Variants in XKRX observed in about 807,000 individuals in gnomAD.
XKRX encodes the protein XK related X-linked.
XKRX carries 11 observed loss-of-function variants against 22.4 expected under a neutral mutation model. That is an observed-to-expected ratio of 0.49 (90% CI 0.31 to 0.81). The LOEUF is 0.81. Ranked by LOEUF, XKRX falls within the 40% of genes least tolerant of loss-of-function variation. The probability of loss-of-function intolerance (pLI) is 0.05; values close to 1 mark genes in which losing one functional copy is unlikely to be tolerated. For synonymous variants in XKRX, 114 were observed against 132.2 expected, an observed-to-expected ratio of 0.86 and a Z score of 0.94; for missense variants, 320 against 336.5, an observed-to-expected ratio of 0.95 and a Z score of 0.38.
chrX:100,936,540 CAAAAAAAAAAAAAAAAAAA>C, the XKRX span, among the ~76,000 whole-genome samples: 19 of 25,405 alleles, frequency 7.5e-4, no homozygotes, highest in South Asian at 0.05. Context: ...GACTCTGTCT[CAAAAAAAAAAAAAAAAAAA>C]AAAAAAAAAA....
the XKRX span, among the ~76,000 whole-genome samples, chrX:100,946,306 A>G: frequency 8.9e-6 from 1 of 112,081 alleles, no homozygotes; most frequent in Non-Finnish European, 1.9e-5. Context: ...TAAAGACTGC[A>G]GTTCAGAATG....
At chrX:100,955,866 C>T in the XKRX span, among the ~76,000 whole-genome samples, 1 of 111,340 alleles carries the variant, frequency 9.0e-6, no homozygotes, top group African/African-American at 3.3e-5. Flanking sequence ...ACCATGTATA[C>T]GCACAACAGC....
chrX:100,905,610 C>A, the XKRX span, among the ~76,000 whole-genome samples: 3 of 111,838 alleles, frequency 2.7e-5, no homozygotes, highest in Non-Finnish European at 5.6e-5. Flanking sequence ...TTTTCCTCTA[C>A]CCCCCCATAT....
At chrX:100,918,954 C>T (rs1471449548) in intron 2 of XKRX, among the ~76,000 whole-genome samples, 1 of 111,319 alleles carries the variant, frequency 9.0e-6, no homozygotes, top group East Asian at 2.8e-4. Flanking sequence ...ACTGATAGAA[C>T]ATCTGAAAGT....
the XKRX span, among the ~76,000 whole-genome samples, chrX:100,939,634 C>G: frequency 8.9e-6 from 1 of 112,067 alleles, no homozygotes; most frequent in Admixed American, 9.5e-5. Context: ...TTTCTCACCC[C>G]TTCAGAAACC....
At chrX:100,901,714 T>C in the XKRX span, among the ~76,000 whole-genome samples, 3 of 112,089 alleles carry the variant, frequency 2.7e-5, no homozygotes, top group South Asian at 1.1e-3. Context: ...ATATCACATT[T>C]TGAGGCTGGG....
the XKRX span, among the ~76,000 whole-genome samples, chrX:100,956,324 C>G: frequency 9.0e-6 from 1 of 111,474 alleles, no homozygotes; most frequent in Non-Finnish European, 1.9e-5. Context: ...ATATAACAAA[C>G]CTGCACATCC....
chrX:100,920,543 C>A (rs1486560282), intron 2 of XKRX, among the ~76,000 whole-genome samples: 1 of 110,600 alleles, frequency 9.0e-6, no homozygotes, highest in African/African-American at 3.3e-5. Flanking sequence ...TTTACTATAA[C>A]CATGTCTGAC....
At chrX:100,889,398 A>T in the XKRX span, among the ~76,000 whole-genome samples, 2 of 109,771 alleles carry the variant, frequency 1.8e-5, no homozygotes, top group African/African-American at 3.3e-5. Flanking sequence ...TTATTTATTT[A>T]TTTATTTTTT....
chrX:100,899,548 C>G, the XKRX span, among the ~76,000 whole-genome samples: 1 of 112,130 alleles, frequency 8.9e-6, no homozygotes, highest in South Asian at 3.7e-4. Context: ...AAAGCCCATT[C>G]AAATGGAAAA....
the XKRX span, among the ~76,000 whole-genome samples, chrX:100,897,071 CTTAATG>C: frequency 9.0e-6 from 1 of 110,807 alleles, no homozygotes; most frequent in Admixed American, 9.7e-5. Context: ...TTTCCATAGT[CTTAATG>C]TTAATAGTAA....
At chrX:100,917,212 G>A (rs373605437) in intron 2 of XKRX, among the ~76,000 whole-genome samples, 11 of 111,466 alleles carry the variant, frequency 9.9e-5, no homozygotes, top group South Asian at 7.7e-4. Flanking sequence ...TTGAACCCAC[G>A]AGGCAGAGGT....
chrX:100,910,674 C>A, downstream of XKRX: 1 of 436,881 alleles, frequency 2.3e-6, no homozygotes, highest in Admixed American at 3.8e-5. Context: ...ATTTTCGCAC[C>A]CCAGAGGCTG....
the XKRX span, among the ~76,000 whole-genome samples, chrX:100,902,060 T>C: frequency 1.9e-5 from 2 of 107,340 alleles, no homozygotes; most frequent in African/African-American, 3.4e-5. Context: ...TTTAAAAGAA[T>C]AGAAATCATA....
chrX:100,948,526 C>G, the XKRX span, among the ~76,000 whole-genome samples: 18 of 112,093 alleles, frequency 1.6e-4, no homozygotes, highest in Non-Finnish European at 2.6e-4. Context: ...AAGCCTGCAA[C>G]CTGAAACTGC....
chrX:100,887,998 C>T, the XKRX span: 1 of 1,088,461 alleles, frequency 9.2e-7, no homozygotes, highest in Non-Finnish European at 1.3e-6. Flanking sequence ...CCAAAGTTTC[C>T]AGAACCACTT....
At chrX:100,910,959 G>C (rs1290386093), downstream of XKRX, 4 of 558,963 alleles carry the variant, frequency 7.2e-6, no homozygotes, top group African/African-American at 9.1e-5. Flanking sequence ...ACTCCACGGG[G>C]ATCAGTACCT....
At chrX:100,897,361 G>C in the XKRX span, among the ~76,000 whole-genome samples, 1 of 109,935 alleles carries the variant, frequency 9.1e-6, no homozygotes, top group Non-Finnish European at 1.9e-5. Flanking sequence ...AAGGCAGGTG[G>C]ACCACATGAG....
At chrX:100,950,116 G>A in the XKRX span, among the ~76,000 whole-genome samples, 1 of 111,533 alleles carries the variant, frequency 9.0e-6, no homozygotes, top group African/African-American at 3.3e-5. Context: ...GAGCCTCAGG[G>A]TCCTAAAGGA....
Sources: allele counts gnomAD v4.1 joint callset (sites outside exome capture counted in the v4.1 genomes callset), GRCh38; gene constraint gnomAD v4.1.1; transcripts MANE v1.5; gene names NCBI Gene and HGNC (gene_info 2026-07-23, HGNC 2026-07-21).